The following PRMT5 variants were observed in gnomAD, a reference collection of about 807,000 sequenced individuals.
PRMT5 encodes protein arginine methyltransferase 5.
Under a neutral mutation model 84.0 loss-of-function variants are expected in PRMT5, and 15 were observed. That is an observed-to-expected ratio of 0.18 (90% CI 0.12 to 0.28). The LOEUF (loss-of-function observed/expected upper bound fraction) is 0.28. Among genes scored for constraint, PRMT5 ranks in the 10% least tolerant of loss-of-function variants. The pLI is 1.00. For missense variants in PRMT5, 486 were observed against 808.0 expected, an observed-to-expected ratio of 0.60 and a Z score of 4.83; for synonymous variants, 276 against 292.4, an observed-to-expected ratio of 0.94 and a Z score of 0.57.
At chr14:22,927,732 A>C in intron 3 of PRMT5, 72 bp from the exon 4 acceptor site, 1 of 1,503,980 alleles carries the variant, frequency 6.6e-7, no homozygotes. Context: ...TTTTGAGACA[A>C]AGTCTCACTC....
intron 16 of PRMT5, 152 bp from the exon 17 acceptor site, chr14:22,921,208 A>G (rs1039148812): frequency 1.4e-5 from 13 of 953,372 alleles, no homozygotes; most frequent in Non-Finnish European, 2.0e-5. Context: ...ACAAATAATC[A>G]AAGGTGTGGT....
intron 1 of PRMT5, 47 bp downstream of exon 1, chr14:22,929,205 C>T: frequency 6.2e-7 from 1 of 1,614,126 alleles, no homozygotes; most frequent in Non-Finnish European, 8.5e-7. Flanking sequence ...CCTTCTCCGT[C>T]CCCGAGTTCG....
chr14:22,922,316 T>C, intron 15 of PRMT5, 76 bp from the exon 16 acceptor site: 9 of 1,354,126 alleles, frequency 6.6e-6, no homozygotes, highest in African/African-American at 1.6e-5. Flanking sequence ...GGGTCTCTTC[T>C]CTAATCACAC....
chr14:22,922,147 A>C (rs955322190), intron 16 of PRMT5, 29 bp downstream of exon 16: 2 of 1,522,502 alleles, frequency 1.3e-6, no homozygotes, highest in African/African-American at 2.7e-5. Context: ...GTTACTGCTT[A>C]ACTAGAGAGT....
chr14:22,922,304 G>T (rs1566630548), intron 15 of PRMT5, 64 bp from the exon 16 acceptor site: 20 of 1,470,498 alleles, frequency 1.4e-5, no homozygotes, highest in Non-Finnish European at 1.8e-5. Flanking sequence ...CTATGCTGAA[G>T]AGGGTCTCTT....
chr14:22,922,327 A>AAAC (rs201506539), intron 15 of PRMT5, 87 bp from the exon 16 acceptor site: 1 of 1,433,494 alleles, frequency 7.0e-7, no homozygotes, highest in South Asian at 1.1e-5. Context: ...CTAATCACAC[A>AAAC]AAGATCTCCA....
Position 22,922,549 on chromosome 14 carries a change from A to C in PRMT5, c.1590T>G (p.Ile530Met), listed in dbSNP as rs1242789315. ...CCAAGGTGCAATAGCGGTTGTTGTC[A>C]ATCATAGGATCTGTCAGGAAATAAT... is the stretch of plus-strand genomic sequence containing the variant. Reference protein sequence around the residue: ...TFSHPNRDPMIDNNRYCTLEF... With the variant: ...TFSHPNRDPMMDNNRYCTLEF... Residue 530 changes from isoleucine to methionine, a missense_variant, in exon 15 of 17, where the codon ATT becomes ATG. Physicochemically the swap from Ile to Met is conservative, Grantham distance 10. Transcript: ENST00000324366. 1 of 1,612,614 alleles carries C rather than the reference A, an allele frequency of 6.2e-7. No individual in the cohort carries two copies. Among genetic ancestry groups the C allele is most frequent in the African/African-American group, 1.3e-5 (1 of 74,884 alleles).
chr14:22,924,349 C>T lies in PRMT5; in HGVS notation c.1120G>A (p.Ala374Thr), dbSNP rs780493775. 6 of 1,614,078 alleles carry T rather than the reference C, an allele frequency of 3.7e-6. No homozygotes were observed. The highest frequency in any genetic ancestry group is 2.2e-5 in the South Asian group (2 of 91,082). ...LGAGRGPLVN[A>T]SLRAAKQADR... Reference sequence around the variant, plus strand: ...GCCTGCTTGGCTGCCCGCAGGGAAGCGTTCACCAGGGGTCCCCGTCCTGCT... The same window carrying T: ...GCCTGCTTGGCTGCCCGCAGGGAAGTGTTCACCAGGGGTCCCCGTCCTGCT... The change falls in exon 11 of 17, where the codon GCT becomes ACT. Residue 374 changes from alanine (A) to threonine (T), a missense_variant. Around this residue, in one of 4 missense-constraint regions of PRMT5, gnomAD observed 219 missense variants for 433.6 expected, o/e 0.51. Transcript: ENST00000324366. The surrounding 1 kb of genome is among the most constrained non-coding windows in gnomAD (Gnocchi z 6.5).
rs1038359519 is a variant in PRMT5, at chr14:22,922,747, T to C, written c.1574A>G (p.Asn525Ser). ...PQPCFTFSHPNRDPMIDNNRY... is the reference protein window; with the variant it reads ...PQPCFTFSHPSRDPMIDNNRY... The stretch of plus-strand genomic sequence containing the variant: ...ACAGCCATAAAAGAACCTACCTCTG[T>C]TGGGATGGCTGAAGGTGAAACAGGG... Residue 525 changes from asparagine (N) to serine (S), a missense_variant, in exon 14 of 17, where the codon AAC (asparagine) becomes AGC (serine). Physicochemically the swap from Asn to Ser is conservative, Grantham distance 46 (BLOSUM62 1). Coordinates refer to ENST00000324366, the MANE Select transcript of PRMT5 (RefSeq NM_006109.5). 1 of 1,613,824 alleles carries C rather than the reference T, an allele frequency of 6.2e-7. No homozygotes were observed. The highest frequency in any genetic ancestry group is 1.3e-5 in the African/African-American group (1 of 74,894).
At chr14:22,921,432 AAAG>A (rs1281449668) in intron 16 of PRMT5, among the ~76,000 whole-genome samples, 9 of 152,326 alleles carry the variant, frequency 5.9e-5, no homozygotes, top group Admixed American at 1.3e-4. Flanking sequence ...ATTAGAACAA[AAAG>A]AAGGTCCATA....
At position 22,922,826 on chromosome 14, in the gene PRMT5, C is replaced by T; in HGVS notation, c.1495G>A (p.Glu499Lys). The T allele has an allele frequency of 6.2e-7, 1 of 1,613,656 alleles. No individual in the cohort carries two copies. Among genetic ancestry groups the T allele is most frequent in the Non-Finnish European group, 8.5e-7 (1 of 1,179,794 alleles). The change falls in exon 14 of 17, where the codon GAG (glutamate) becomes AAG (lysine). Residue 499 changes from glutamate (E) to lysine (K), a missense_variant. Physicochemically the swap from Glu to Lys is moderately conservative, Grantham distance 56. Transcript: ENST00000324366. ...TGCAGCCGTACCACATAAGGCATCTCAAACTGGGCCTGTCAGAGACAGAAA... is the reference window on the plus strand; with the variant it reads ...TGCAGCCGTACCACATAAGGCATCTTAAACTGGGCCTGTCAGAGACAGAAA... Reference protein sequence around the residue: ...EKDRDPEAQFEMPYVVRLHNF... With the variant: ...EKDRDPEAQFKMPYVVRLHNF...
Position 22,927,524 on chromosome 14 carries a change from A to G in PRMT5, c.450+2T>C. ...AGCAGGAAAGGAGCCCCTCAGCTAT[A>G]CCATGGAAGAGTGATGGCCAGTGTG... On this transcript the variant is annotated splice_donor_variant, in intron 4 of 16. Transcript: ENST00000324366. LOFTEE classifies it high-confidence loss of function. The G allele has an allele frequency of 6.2e-7, 1 of 1,614,028 alleles. No individual in the cohort carries two copies. The highest frequency in any genetic ancestry group is 1.3e-5 in the African/African-American group (1 of 74,994).
At position 22,923,028 on chromosome 14, in the gene PRMT5, T is replaced by C; in HGVS notation, c.1485+23A>G. 1 of 1,565,130 alleles carries C rather than the reference T, an allele frequency of 6.4e-7. No homozygotes were observed. Among genetic ancestry groups the C allele is most frequent in the Non-Finnish European group, 8.8e-7 (1 of 1,138,788 alleles). ...AAGAGGACTAAAGAGTACCACTTCT[T>C]TCCAGAGAGAGTGGTTCTTTACCTC... On this transcript the variant is annotated intron_variant, in intron 13 of 16. Transcript: ENST00000324366. The surrounding 1 kb of genome is among the most constrained non-coding windows in gnomAD (Gnocchi z 5.2).
Position 22,920,579 on chromosome 14 carries a change from CA to C in PRMT5, c.*324del. ...TGTATTTCCTCTTACACAAAACCAT[CA>C]AAACAAGAACAGAAAAAGGCTGAAA... On this transcript the variant is annotated 3_prime_UTR_variant, in exon 17 of 17. Transcript: ENST00000324366. 1.9e-6 allele frequency: 1 copy of C among 532,822 alleles called. No individual in the cohort carries two copies. The highest frequency in any genetic ancestry group is 1.6e-5 in the South Asian group (1 of 63,422). The allele number at this position is 532,822 out of a possible 1,614,324, so 33.0% of individuals were successfully genotyped here. A position where few individuals can be genotyped will look rare whatever the true frequency, so the allele number is the denominator to read the frequency against.
chr14:22,926,428 A>C (rs1216286104), intron 6 of PRMT5, 78 bp downstream of exon 6: 1 of 1,593,622 alleles, frequency 6.3e-7, no homozygotes, highest in Non-Finnish European at 8.6e-7. Context: ...AAAATTGTAT[A>C]CTATATATGA....
chr14:22,924,662 C>A lies in PRMT5; in HGVS notation c.987G>T (p.Lys329Asn). 1 of 1,614,088 alleles carries A rather than the reference C, an allele frequency of 6.2e-7. No individual in the cohort carries two copies. The highest frequency in any genetic ancestry group is 8.5e-7 in the Non-Finnish European group (1 of 1,180,002). ...GGTACTGAGAGTATTTGATGGGGTC[C>A]TTTTCAAACACTTCATATGTCTGAG... is the stretch of plus-strand genomic sequence containing the variant. ...LESQTYEVFE[K>N]DPIKYSQYQQ... Residue 329 changes from lysine to asparagine, a missense_variant, in exon 9 of 17, where the codon AAG becomes AAT. This residue lies in a region of PRMT5 where 219 missense variants were observed against 433.6 expected (regional missense o/e 0.51). Coordinates refer to ENST00000324366, the MANE Select transcript of PRMT5 (RefSeq NM_006109.5). This position sits in a 1 kb window ranked among gnomAD's most constrained non-coding sequence, Gnocchi z 6.5.
chr14:22,924,418 C>G lies in PRMT5; in HGVS notation c.1077-26G>C. ...CTAAGAAAGAAAGGGAAGAGTCAAG[C>G]AGACTTGGCATATACAGATATAGGT... On this transcript the variant is annotated intron_variant, in intron 10 of 16. Coordinates refer to ENST00000324366, the MANE Select transcript of PRMT5 (RefSeq NM_006109.5). The surrounding 1 kb of genome is among the most constrained non-coding windows in gnomAD (Gnocchi z 6.5). 1 of 1,614,016 alleles carries G rather than the reference C, an allele frequency of 6.2e-7. No homozygotes were observed. Among genetic ancestry groups the G allele is most frequent in the Non-Finnish European group, 8.5e-7 (1 of 1,179,966 alleles).
chr14:22,925,614 G>A (rs899124661), intron 7 of PRMT5, among the ~76,000 whole-genome samples: 2 of 152,028 alleles, frequency 1.3e-5, no homozygotes, highest in Middle Eastern at 6.8e-3. Flanking sequence ...GAGGTCAGGC[G>A]TTCAAGACCA....
At position 22,920,970 on chromosome 14, in the gene PRMT5, A is replaced by G; in HGVS notation, c.1848T>C (p.Ala616=). The change falls in exon 17 of 17, where the codon GCT becomes GCC. Residue 616 remains alanine (A), a synonymous_variant. Coordinates refer to ENST00000324366, the MANE Select transcript of PRMT5 (RefSeq NM_006109.5). Reference sequence around the variant, plus strand: ...TAGCAGAACAGACTGGTGCTGTCACAGCCCACTCATACCACACCTTCTTGG... The same window carrying G: ...TAGCAGAACAGACTGGTGCTGTCACGGCCCACTCATACCACACCTTCTTGG... ...SNSKKVWYEW[A]VTAPVCSAIH... is the part of the protein sequence containing the mutation. 17 of 1,614,254 alleles carry G rather than the reference A, an allele frequency of 1.1e-5. No individual in the cohort carries two copies. The highest frequency in any genetic ancestry group is 1.4e-5 in the Non-Finnish European group (17 of 1,180,040).
Sources: gnomAD v4.1 joint callset for allele counts (sites outside exome capture counted in the v4.1 genomes callset) on GRCh38, gnomAD v4.1.1 for gene constraint, gnomAD v4.1.1 regional missense constraint, Gnocchi (gnomAD v3.1) non-coding constraint, MANE v1.5 for transcripts, NCBI Gene and HGNC (gene_info 2026-07-23, HGNC 2026-07-21) for gene names.